Variants in GAB3 observed in about 807,000 individuals in gnomAD.
GAB3 encodes GRB2 associated binding protein 3.
GAB3 carries 12 observed loss-of-function variants against 40.4 expected under a neutral mutation model. That is an observed-to-expected ratio of 0.30 (90% CI 0.19 to 0.48). GAB3 has a LOEUF of 0.48. GAB3 is among the 20% of genes least tolerant of loss of function. The pLI is 0.99. For missense variants in GAB3, 381 were observed against 461.9 expected (o/e 0.82, Z 1.61); for synonymous variants, 154 against 176.7 (o/e 0.87, Z 1.02).
At chrX:154,746,204 T>C (rs1196316471) in intron 1 of GAB3, among the ~76,000 whole-genome samples, 1 of 110,523 alleles carries the variant, frequency 9.0e-6, no homozygotes, top group Non-Finnish European at 1.9e-5. Context: ...TTTCAGAAAA[T>C]ACAAGAGGAG....
At position 154,678,114 on chromosome X, in the gene GAB3, A is replaced by G. The variant is rs782364476; in HGVS notation, c.*64T>C. 1.0e-5 allele frequency: 6 copies of G among 593,093 alleles called. No individual in the cohort carries two copies. In the South Asian group the frequency reaches 1.5e-4, roughly 14 times the overall value. 48.9% of individuals were successfully genotyped at this position (593,093 alleles called of 1,213,427 possible). A position where few individuals can be genotyped will look rare whatever the true frequency, so the allele number is the denominator to read the frequency against. Reference sequence around the variant, plus strand: ...TTTTTAGTGGACAAAAAAAAAAAAAAAAGAAAAAACTCAAACTGAGCCCCA... The same window carrying G: ...TTTTTAGTGGACAAAAAAAAAAAAAGAAGAAAAAACTCAAACTGAGCCCCA... On this transcript the variant is annotated 3_prime_UTR_variant, in exon 10 of 10. Coordinates refer to ENST00000424127, the MANE Select transcript of GAB3 (RefSeq NM_001081573.3).
chrX:154,718,963 T>C (rs1263687271), intron 1 of GAB3, among the ~76,000 whole-genome samples: 1 of 112,078 alleles, frequency 8.9e-6, no homozygotes, highest in East Asian at 2.8e-4. Flanking sequence ...AAGAGTTTAT[T>C]TGAGTGCCTA....
chrX:154,709,656 C>G (rs1455700988), intron 4 of GAB3, among the ~76,000 whole-genome samples: 3 of 109,530 alleles, frequency 2.7e-5, no homozygotes, highest in African/African-American at 1.0e-4. Flanking sequence ...TGAGAATGGA[C>G]TAATACAACA....
intron 5 of GAB3, 78 bp downstream of exon 5, chrX:154,699,926 A>G: frequency 1.2e-6 from 1 of 825,968 alleles, no homozygotes; most frequent in South Asian, 2.1e-5. Context: ...TGAATCTTAA[A>G]GATTTCAAGG....
chrX:154,742,461 T>G (rs2071456448), intron 1 of GAB3, among the ~76,000 whole-genome samples: 1 of 111,703 alleles, frequency 9.0e-6, no homozygotes, highest in Non-Finnish European at 1.9e-5. Flanking sequence ...TTGGGCAAAA[T>G]CATCTCACAC....
chrX:154,689,998 A>G (rs4445391), intron 8 of GAB3, among the ~76,000 whole-genome samples: 52,104 of 109,269 alleles, frequency 0.48, 10,971 homozygotes, highest in East Asian at 0.77. Flanking sequence ...GAGGCATCAC[A>G]CTACCTGACT....
chrX:154,709,846 A>C (rs1416758925), intron 4 of GAB3, among the ~76,000 whole-genome samples: 1 of 110,968 alleles, frequency 9.0e-6, no homozygotes, highest in Non-Finnish European at 1.9e-5. Flanking sequence ...CTGGGCACAG[A>C]AAAAAAAATA....
At chrX:154,678,504 A>G (rs1413461047) in intron 9 of GAB3, among the ~76,000 whole-genome samples, 1 of 112,026 alleles carries the variant, frequency 8.9e-6, no homozygotes, top group Non-Finnish European at 1.9e-5. Flanking sequence ...GATCAATATA[A>G]TGTAAGTGGA....
intron 2 of GAB3, among the ~76,000 whole-genome samples, chrX:154,715,007 T>C (rs1352713195): frequency 1.8e-5 from 2 of 112,529 alleles, no homozygotes; most frequent in Non-Finnish European, 3.8e-5. Flanking sequence ...AGCAATATTA[T>C]TGAATAGCCT....
intron 8 of GAB3, among the ~76,000 whole-genome samples, chrX:154,690,989 T>G (rs1478239956): frequency 3.6e-5 from 4 of 110,395 alleles, no homozygotes; most frequent in Non-Finnish European, 7.5e-5. Flanking sequence ...TGCAGCATTA[T>G]TCACAATAGC....
chrX:154,690,262 T>C (rs1367540965), intron 8 of GAB3, among the ~76,000 whole-genome samples: 3 of 111,094 alleles, frequency 2.7e-5, no homozygotes, highest in Admixed American at 9.6e-5. Context: ...ATACAAAAAT[T>C]AATTCAAGAT....
intron 1 of GAB3, among the ~76,000 whole-genome samples, chrX:154,738,183 G>T (rs782788401): frequency 8.9e-6 from 1 of 112,155 alleles, no homozygotes; most frequent in South Asian, 3.7e-4. Flanking sequence ...AGTCAACGGT[G>T]TGGCGTGGCT....
At chrX:154,694,860 T>C (rs782500193) in intron 8 of GAB3, among the ~76,000 whole-genome samples, 1 of 112,157 alleles carries the variant, frequency 8.9e-6, no homozygotes, top group South Asian at 3.7e-4. Context: ...TTCTAGAAAT[T>C]TCCCAAGGGC....
chrX:154,716,852 C>T (rs1557257753), intron 1 of GAB3, among the ~76,000 whole-genome samples: 1 of 111,691 alleles, frequency 9.0e-6, no homozygotes, highest in Non-Finnish European at 1.9e-5. Flanking sequence ...TTGCCAGTGT[C>T]TGAAGGTGAC....
intron 8 of GAB3, among the ~76,000 whole-genome samples, chrX:154,692,774 C>T (rs781906589): frequency 9.9e-5 from 11 of 111,396 alleles, no homozygotes; most frequent in East Asian, 2.8e-4. Context: ...GGCAACAGAG[C>T]GAGACTCTGT....
chrX:154,679,577 G>A (rs2070346298), intron 9 of GAB3, among the ~76,000 whole-genome samples: 1 of 112,057 alleles, frequency 8.9e-6, no homozygotes, highest in South Asian at 3.7e-4. Context: ...ACGCTGTACA[G>A]TGGGTGATAC....
chrX:154,702,859 T>A (rs1297943036), intron 4 of GAB3, among the ~76,000 whole-genome samples: 1 of 111,730 alleles, frequency 9.0e-6, no homozygotes, highest in Non-Finnish European at 1.9e-5. Context: ...ATCAAAACTG[T>A]CTCAAAAGAG....
At chrX:154,701,463 G>C (rs969157694) in intron 4 of GAB3, among the ~76,000 whole-genome samples, 2 of 112,329 alleles carry the variant, frequency 1.8e-5, no homozygotes, top group Non-Finnish European at 3.8e-5. Context: ...CAGAGTAAAG[G>C]AAGGCACTTT....
chrX:154,682,913 G>A (rs2070394119), intron 8 of GAB3, among the ~76,000 whole-genome samples: 1 of 111,649 alleles, frequency 9.0e-6, no homozygotes, highest in Non-Finnish European at 1.9e-5. Flanking sequence ...GGGAGGCAGA[G>A]GTTGCAGTGA....
Sources: allele counts gnomAD v4.1 joint callset (sites outside exome capture counted in the v4.1 genomes callset), GRCh38; gene constraint gnomAD v4.1.1; transcripts MANE v1.5; gene names NCBI Gene and HGNC (gene_info 2026-07-23, HGNC 2026-07-21).